Variants in SYNE2 observed in about 807,000 individuals in gnomAD.
SYNE2 encodes the protein nesprin-2.
In SYNE2, 431 loss-of-function variants were observed where a neutral mutation model predicts 856.3. That is an observed-to-expected ratio of 0.50 (90% CI 0.47 to 0.55). SYNE2 has a LOEUF of 0.55. SYNE2 is among the 20% of genes least tolerant of loss of function. SYNE2 has a pLI of 0.00. For synonymous variants in SYNE2, 2,923 were observed against 2,872.3 expected (o/e 1.02, Z -0.56); for missense variants, 8,129 against 8,023.2 (o/e 1.01, Z -0.50).
intron 45 of SYNE2, among the ~76,000 whole-genome samples, chr14:64,045,640 A>G (rs2097180827): frequency 6.6e-6 from 1 of 151,342 alleles, no homozygotes; most frequent in South Asian, 2.1e-4. Flanking sequence ...GATTTTCGCC[A>G]CAGTGTGCCT....
chr14:64,089,918 C>A (rs2097594782), intron 59 of SYNE2, among the ~76,000 whole-genome samples: 1 of 152,122 alleles, frequency 6.6e-6, no homozygotes, highest in Admixed American at 6.6e-5. Context: ...TCATTTAAAT[C>A]AAACTCAAGG....
chr14:64,155,386 C>T (rs1024221881), intron 85 of SYNE2, among the ~76,000 whole-genome samples: 1 of 151,974 alleles, frequency 6.6e-6, no homozygotes, highest in African/African-American at 2.4e-5. Flanking sequence ...ATTCTGTTTA[C>T]GTGGAATAAC....
chr14:64,203,245 A>G (rs75002329), intron 100 of SYNE2, among the ~76,000 whole-genome samples: 1 of 151,996 alleles, frequency 6.6e-6, no homozygotes, highest in Non-Finnish European at 1.5e-5. Context: ...TCTTTTTTTA[A>G]CTGATCTTTG....
intron 46 of SYNE2, chr14:64,048,472 A>G (rs746350449): frequency 9.7e-6 from 2 of 205,168 alleles, no homozygotes; most frequent in South Asian, 2.1e-4. Flanking sequence ...GATTCTGACA[A>G]ATGTATTTTT....
intron 52 of SYNE2, among the ~76,000 whole-genome samples, chr14:64,072,198 G>A (rs1403437685): frequency 6.6e-6 from 1 of 152,162 alleles, no homozygotes; most frequent in Non-Finnish European, 1.5e-5. Context: ...GAGAAAGATA[G>A]TGAGAAGTAG....
In SYNE2 at chr14:63,762,591, CTTTCTT is replaced by C. The variant is rs1179676610; in HGVS notation, c.-305+609_-305+614del. Among the ~76,000 whole-genome samples, 10 of 44,314 alleles carry C rather than the reference CTTTCTT, an allele frequency of 2.3e-4. 1 individual carries two copies. The highest frequency in any genetic ancestry group is 7.2e-4 in the African/African-American group (9 of 12,544). The allele number at this position is 44,314 out of a possible 152,430, so 29.1% of individuals were successfully genotyped here. The stretch of plus-strand genomic sequence containing the variant: ...TTGTGGTTATGTAGGATAATTTTTT[CTTTCTT>C]TTTTTTTTTTTTTTAATAAATTGAG... On this transcript the variant is annotated intron_variant, in intron 1 of 23. Coordinates refer to the SYNE2 transcript ENST00000674003.
intron 61 of SYNE2, 105 bp downstream of exon 61, chr14:64,093,585 G>T: frequency 8.3e-7 from 1 of 1,202,438 alleles, no homozygotes. Context: ...GTGGTGCAGT[G>T]TAACACCTGT....
intron 70 of SYNE2, among the ~76,000 whole-genome samples, chr14:64,123,056 G>A (rs1339493864): frequency 2.0e-5 from 3 of 150,538 alleles, no homozygotes; most frequent in South Asian, 2.1e-4. Context: ...CTGAGATCGC[G>A]CCATTGCACT....
chr14:63,962,841 G>T (rs976273195), intron 9 of SYNE2, among the ~76,000 whole-genome samples: 2 of 152,072 alleles, frequency 1.3e-5, no homozygotes, highest in Non-Finnish European at 2.9e-5. Flanking sequence ...GCCCAGCCTT[G>T]AATTACTATT....
chr14:64,105,981 T>G (rs2097768354), intron 64 of SYNE2, among the ~76,000 whole-genome samples: 1 of 149,070 alleles, frequency 6.7e-6, no homozygotes, highest in African/African-American at 2.5e-5. Flanking sequence ...GCCTGGGAGA[T>G]GAAGGTTGCA....
chr14:64,151,090 A>C (rs2098237617), intron 84 of SYNE2, among the ~76,000 whole-genome samples: 3 of 152,140 alleles, frequency 2.0e-5, no homozygotes, highest in African/African-American at 4.8e-5. Context: ...CTCCAGCTCC[A>C]TTCTCTCATC....
chr14:64,220,618 A>G lies in SYNE2; in HGVS notation c.20042A>G (p.Gln6681Arg). The G allele has an allele frequency of 1.2e-6, 2 of 1,614,012 alleles. No homozygotes were observed. The highest frequency in any genetic ancestry group is 1.7e-6 in the Non-Finnish European group (2 of 1,180,016). ...AVDSWRGGLRQSLMQCQDFHQ... is the reference protein window; with the variant it reads ...AVDSWRGGLRRSLMQCQDFHQ... Reference sequence around the variant, plus strand: ...GACAGCTGGAGAGGGGGCTTACGACAGTCGCTCATGCAGTGCCAGGTACGC... The same window carrying G: ...GACAGCTGGAGAGGGGGCTTACGACGGTCGCTCATGCAGTGCCAGGTACGC... The change falls in exon 111 of 116, where the codon CAG becomes CGG. Residue 6681 changes from glutamine (Q) to arginine (R), a missense_variant. By Grantham distance (43) the Gln-to-Arg change is conservative (BLOSUM62 1). This residue lies in a region of SYNE2 where 5,410 missense variants were observed against 5,284.8 expected (regional missense o/e 1.02). Transcript: ENST00000555002.
intron 54 of SYNE2, 88 bp downstream of exon 54, chr14:64,076,188 G>A (rs1487710554): frequency 1.4e-6 from 2 of 1,471,020 alleles, no homozygotes; most frequent in Non-Finnish European, 1.9e-6. Context: ...AATTCCATTT[G>A]CCAGGATTTC....
chr14:64,017,328 C>CAAAA (rs34399201), intron 33 of SYNE2, among the ~76,000 whole-genome samples: 67 of 66,574 alleles, frequency 1.0e-3, no homozygotes, highest in Admixed American at 1.9e-3. Context: ...GACTCCATCT[C>CAAAA]AAAAAAAAAA....
chr14:64,043,362 G>A (rs1013429793), intron 45 of SYNE2, among the ~76,000 whole-genome samples: 1 of 152,174 alleles, frequency 6.6e-6, no homozygotes, highest in East Asian at 1.9e-4. Flanking sequence ...TTTCTGAGGA[G>A]AAATTCAAGC....
rs1428468248 is a variant in SYNE2, at chr14:64,224,371, ATTGAT to A, written c.20383-87_20383-83del. The A allele has an allele frequency of 6.9e-6, 8 of 1,157,008 alleles. 1 individual carries two copies. Among genetic ancestry groups the A allele is most frequent in the South Asian group, 1.2e-5 (1 of 81,586 alleles). The allele number at this position is 1,157,008 out of a possible 1,614,324, so 71.7% of individuals were successfully genotyped here. ...CTAAAACAAAACAAAACAAAAAAAG[ATTGAT>A]TTAAGGTAGGGGAGGGTGAGCTATA... On this transcript the variant is annotated intron_variant, in intron 113 of 115. Coordinates refer to ENST00000555002, the MANE Select transcript of SYNE2 (RefSeq NM_182914.3).
At chr14:63,998,133 A>T in intron 25 of SYNE2, 86 bp from the exon 26 acceptor site, 3 of 964,914 alleles carry the variant, frequency 3.1e-6, no homozygotes, top group Admixed American at 1.8e-5. Flanking sequence ...AGAATCAATG[A>T]TACATTTTTG....
chr14:63,961,507 G>C lies in SYNE2; in HGVS notation c.788-18G>C. The stretch of plus-strand genomic sequence containing the variant: ...GTAAATGTGTAACAGCTAATTGATA[G>C]TGTGGTGTATCTTGCAGATGTGGAT... On this transcript the variant is annotated intron_variant, in intron 8 of 115. Transcript: ENST00000555002. 3 of 1,586,826 alleles carry C rather than the reference G, an allele frequency of 1.9e-6. No individual in the cohort carries two copies. Among genetic ancestry groups the C allele is most frequent in the Non-Finnish European group, 2.6e-6 (3 of 1,155,752 alleles).
At chr14:63,957,330 G>A (rs1332389332) in intron 8 of SYNE2, among the ~76,000 whole-genome samples, 4 of 149,010 alleles carry the variant, frequency 2.7e-5, no homozygotes, top group African/African-American at 5.0e-5. Flanking sequence ...GTGCAGTGGC[G>A]TGATCTTGGC....
Sources: gnomAD v4.1 joint callset for allele counts (sites outside exome capture counted in the v4.1 genomes callset) on GRCh38, gnomAD v4.1.1 for gene constraint, gnomAD v4.1.1 regional missense constraint, MANE v1.5 for transcripts, NCBI Gene and HGNC (gene_info 2026-07-23, HGNC 2026-07-21) for gene names.